Variants in PCDH9 observed in about 807,000 individuals in gnomAD.
The protein encoded by PCDH9 is protocadherin-9.
Under a neutral mutation model 70.6 loss-of-function variants are expected in PCDH9, and 24 were observed. That is an observed-to-expected ratio of 0.34 (90% confidence interval 0.25 to 0.48). PCDH9 has a LOEUF of 0.48. PCDH9 is among the 20% of genes least tolerant of loss of function. The pLI is 0.99. For missense variants in PCDH9, 1,281 were observed against 1,503.6 expected (o/e 0.85, Z 2.45); for synonymous variants, 562 against 558.5 (o/e 1.01, Z -0.09).
chr13:67,137,162 C>A (rs922418326), intron 2 of PCDH9, among the ~76,000 whole-genome samples: 4 of 151,968 alleles, frequency 2.6e-5, no homozygotes, highest in African/African-American at 9.7e-5. Flanking sequence ...ATTTATCCTG[C>A]AGTGTTGCTG....
At chr13:66,364,288 T>C (rs986480734) in intron 4 of PCDH9, among the ~76,000 whole-genome samples, 1 of 152,250 alleles carries the variant, frequency 6.6e-6, no homozygotes, top group African/African-American at 2.4e-5. Flanking sequence ...TGTGATTTGA[T>C]TGTTATCTAC....
chr13:67,208,262 C>T (rs2089397123), intron 2 of PCDH9: 1 of 152,086 alleles, frequency 6.6e-6, no homozygotes, highest in Non-Finnish European at 1.5e-5. Context: ...TTGACACAAA[C>T]TATTTTTTTG....
chr13:66,998,724 C>T (rs1311151752), intron 2 of PCDH9, among the ~76,000 whole-genome samples: 1 of 152,144 alleles, frequency 6.6e-6, no homozygotes, highest in African/African-American at 2.4e-5. Context: ...TCTCCTATAA[C>T]CAGCCCTTAC....
chr13:67,173,834 G>A (rs1371101459), intron 2 of PCDH9, among the ~76,000 whole-genome samples: 2 of 152,072 alleles, frequency 1.3e-5, no homozygotes, highest in African/African-American at 2.4e-5. Flanking sequence ...CCTCCCTCAA[G>A]AGACTTGATC....
chr13:66,436,686 C>T (rs1036995), intron 4 of PCDH9, among the ~76,000 whole-genome samples: 60,159 of 151,826 alleles, frequency 0.4, 12,606 homozygotes, highest in South Asian at 0.53. Flanking sequence ...GCCTTAGTTT[C>T]GATTATTTAA....
At chr13:66,941,011 G>C (rs2082999237) in intron 2 of PCDH9, among the ~76,000 whole-genome samples, 1 of 151,720 alleles carries the variant, frequency 6.6e-6, no homozygotes, top group African/African-American at 2.4e-5. Context: ...TATACTTGTA[G>C]GAAAAATATG....
chr13:66,837,059 G>A (rs751432517), intron 3 of PCDH9, among the ~76,000 whole-genome samples: 20 of 152,116 alleles, frequency 1.3e-4, no homozygotes, highest in Non-Finnish European at 2.1e-4. Flanking sequence ...GAAACAATGA[G>A]GATTTCCTTG....
At chr13:66,472,167 G>A (rs563669962) in intron 4 of PCDH9, among the ~76,000 whole-genome samples, 44 of 145,882 alleles carry the variant, frequency 3.0e-4, no homozygotes, top group South Asian at 6.5e-4. Flanking sequence ...AGCCGATATC[G>A]TGCCACCCCA....
chr13:66,551,432 C>G (rs9540810), intron 4 of PCDH9, among the ~76,000 whole-genome samples: 39,382 of 152,014 alleles, frequency 0.26, 5,341 homozygotes, highest in South Asian at 0.34. Flanking sequence ...AATTACAAAG[C>G]AGGTGGCAAC....
chr13:66,714,628 C>T (rs531179272), intron 3 of PCDH9, among the ~76,000 whole-genome samples: 13 of 152,064 alleles, frequency 8.5e-5, no homozygotes, highest in African/African-American at 2.9e-4. Flanking sequence ...TTCATGTACC[C>T]TATTAATCTT....
chr13:66,927,622 A>C (rs2082737529), intron 2 of PCDH9, among the ~76,000 whole-genome samples: 1 of 152,080 alleles, frequency 6.6e-6, no homozygotes, highest in South Asian at 2.1e-4. Context: ...TGAGGTATAG[A>C]CAGGGTTAGA....
chr13:67,144,475 A>G (rs1022860491), intron 2 of PCDH9, among the ~76,000 whole-genome samples: 4 of 152,124 alleles, frequency 2.6e-5, no homozygotes, highest in Non-Finnish European at 5.9e-5. Context: ...TGAAAATCTC[A>G]TATATTTTAT....
intron 3 of PCDH9, among the ~76,000 whole-genome samples, chr13:66,887,079 C>T (rs916343627): frequency 7.5e-6 from 1 of 134,034 alleles, no homozygotes; most frequent in East Asian, 2.3e-4. Flanking sequence ...ACACACACAC[C>T]CTGTATTTCT....
intron 3 of PCDH9, among the ~76,000 whole-genome samples, chr13:66,818,549 A>G (rs1043246040): frequency 6.6e-6 from 1 of 152,238 alleles, no homozygotes; most frequent in Non-Finnish European, 1.5e-5. Context: ...ATATAAAATC[A>G]ATAGACTAAT....
At chr13:67,050,045 G>T (rs1410484901) in intron 2 of PCDH9, among the ~76,000 whole-genome samples, 2 of 152,104 alleles carry the variant, frequency 1.3e-5, no homozygotes. Flanking sequence ...TTTCCTGCAG[G>T]TTCTCCTGAA....
At chr13:66,368,456 A>G (rs1956588313) in intron 4 of PCDH9, among the ~76,000 whole-genome samples, 1 of 151,990 alleles carries the variant, frequency 6.6e-6, no homozygotes, top group Admixed American at 6.6e-5. Flanking sequence ...CCCCAATTTT[A>G]TATTAAATAA....
intron 3 of PCDH9, among the ~76,000 whole-genome samples, chr13:66,844,251 T>C (rs2081166163): frequency 6.6e-6 from 1 of 152,010 alleles, no homozygotes; most frequent in East Asian, 1.9e-4. Context: ...TTCAGAGAAA[T>C]AAGACAAGAA....
At chr13:67,171,651 A>G (rs914676702) in intron 2 of PCDH9, among the ~76,000 whole-genome samples, 2 of 152,192 alleles carry the variant, frequency 1.3e-5, no homozygotes, top group Admixed American at 6.5e-5. Flanking sequence ...TGCAGTGCGT[A>G]TAAACTACAA....
At chr13:66,394,100 G>C (rs1957064875) in intron 4 of PCDH9, among the ~76,000 whole-genome samples, 1 of 152,116 alleles carries the variant, frequency 6.6e-6, no homozygotes, top group Admixed American at 6.5e-5. Context: ...GGTGGCAGGG[G>C]GTCCAGTTAG....
Sources: gnomAD v4.1 joint callset for allele counts (sites outside exome capture counted in the v4.1 genomes callset) on GRCh38, gnomAD v4.1.1 for gene constraint, MANE v1.5 for transcripts, NCBI Gene and HGNC (gene_info 2026-07-23, HGNC 2026-07-21) for gene names.